The following CPS1 variants were observed in gnomAD, a reference collection of about 807,000 sequenced individuals.
CPS1 encodes the protein carbamoyl-phosphate synthase [ammonia], mitochondrial.
In CPS1, 109 loss-of-function variants were observed where a neutral mutation model predicts 174.6. The observed-to-expected ratio is 0.62, with a 90% CI of 0.53 to 0.73. The LOEUF (loss-of-function observed/expected upper bound fraction) is 0.73. CPS1 is among the 30% of genes least tolerant of loss of function. The probability of loss-of-function intolerance (pLI) is 0.00; values close to 1 mark genes in which losing one functional copy is unlikely to be tolerated. For missense variants in CPS1, 1,689 were observed against 1,821.9 expected (o/e 0.93, Z 1.33); for synonymous variants, 637 against 632.0 (o/e 1.01, Z -0.12).
At chr2:210,508,706 T>C (rs1695359752) in intron 1 of CPS1, among the ~76,000 whole-genome samples, 1 of 152,156 alleles carries the variant, frequency 6.6e-6, no homozygotes, top group Non-Finnish European at 1.5e-5. Flanking sequence ...ATATCACCAC[T>C]GATCCTACAG....
In CPS1 at chr2:210,675,259, A is replaced by T. The variant is rs62203749; in HGVS notation, c.4161+298A>T. Among the ~76,000 whole-genome samples the T allele has an allele frequency of 0.018, 2,680 of 152,250 alleles. 37 individuals carry two copies. The highest frequency in any genetic ancestry group is 0.037 in the Middle Eastern group (11 of 294). On this transcript the variant is annotated intron_variant, in intron 35 of 37. Transcript: ENST00000233072. ...ATATGTTTTTCCTTTTTTTGTTTTC[A>T]TATGAGGTTATAGATTCTAGCTGTG...
chr2:210,546,396 A>G (rs1461480129), intron 1 of CPS1, among the ~76,000 whole-genome samples: 2 of 152,130 alleles, frequency 1.3e-5, no homozygotes, highest in East Asian at 3.9e-4. Context: ...TTAACTTCGC[A>G]CTGTAGTTAA....
intron 5 of CPS1, among the ~76,000 whole-genome samples, chr2:210,580,115 G>A (rs1697868739): frequency 6.6e-6 from 1 of 152,128 alleles, no homozygotes; most frequent in East Asian, 1.9e-4. Context: ...GTAACAAATT[G>A]CATAACAATT....
Position 210,590,225 on chromosome 2 carries a change from T to A in CPS1, c.831T>A (p.Asn277Lys), listed in dbSNP as rs1218356698. The A allele has an allele frequency of 6.2e-7, 1 of 1,612,694 alleles. No individual in the cohort carries two copies. Among genetic ancestry groups the A allele is most frequent in the Non-Finnish European group, 8.5e-7 (1 of 1,179,032 alleles). ...CTCTTGCAGAACCACTAATTCAGAA[T>A]GTCAGAAAGGTGCAATGAACCTTGA... ...NPALAEPLIQ[N>K]VRKILESDRK... The change falls in exon 8 of 38, where the codon AAT (asparagine) becomes AAA (lysine). Residue 277 changes from asparagine to lysine, a missense_variant. By Grantham distance (94) the Asn-to-Lys change is moderately conservative. Transcript: ENST00000233072.
In CPS1 at chr2:210,539,739, C is replaced by T. The variant is rs559395114; in HGVS notation, c.4-16980C>T. On this transcript the variant is annotated intron_variant, in intron 1 of 38. Transcript: ENST00000430249. ...TGCTGTTGACATCTGCTCTTTGGGG[C>T]GTTAGGGGGTCTGGTCATTTGTCCC... Among the ~76,000 whole-genome samples the T allele has an allele frequency of 4.1e-4, 63 of 152,102 alleles. 1 individual carries two copies. Among genetic ancestry groups the T allele is most frequent in the Non-Finnish European group, 8.4e-4 (57 of 68,020 alleles).
intron 2 of CPS1, among the ~76,000 whole-genome samples, chr2:210,574,109 T>A (rs1574541140): frequency 6.6e-6 from 1 of 152,212 alleles, no homozygotes; most frequent in East Asian, 1.9e-4. Flanking sequence ...AGTTCTAGTC[T>A]CAATTCTAAG....
chr2:210,659,715 A>G (rs1700852647), intron 31 of CPS1, among the ~76,000 whole-genome samples: 1 of 152,206 alleles, frequency 6.6e-6, no homozygotes, highest in Admixed American at 6.5e-5. Context: ...AAGGTTGGGA[A>G]GAAGGTAAAT....
At chr2:210,491,392 G>A (rs1035995521) in intron 1 of CPS1, among the ~76,000 whole-genome samples, 4 of 119,100 alleles carry the variant, frequency 3.4e-5, no homozygotes, top group Non-Finnish European at 4.8e-5. Context: ...TTGGCTCACT[G>A]CAACCTCCAC....
intron 1 of CPS1, among the ~76,000 whole-genome samples, chr2:210,525,466 T>C (rs745714540): frequency 2.6e-5 from 4 of 151,894 alleles, no homozygotes; most frequent in Non-Finnish European, 5.9e-5. Flanking sequence ...AGCACGCATT[T>C]ATTAAATTTT....
At chr2:210,589,654 T>C (rs1221537276) in intron 7 of CPS1, among the ~76,000 whole-genome samples, 1 of 151,816 alleles carries the variant, frequency 6.6e-6, no homozygotes, top group African/African-American at 2.4e-5. Flanking sequence ...TAATGGTGTT[T>C]ATTTTTATTT....
intron 1 of CPS1, among the ~76,000 whole-genome samples, chr2:210,565,272 G>C (rs553069212): frequency 2.4e-4 from 36 of 152,132 alleles, no homozygotes; most frequent in African/African-American, 8.7e-4. Context: ...CTAGGCCGTA[G>C]AGACTAGTAA....
chr2:210,610,991 C>G (rs1009668885), intron 19 of CPS1, among the ~76,000 whole-genome samples: 19 of 151,716 alleles, frequency 1.3e-4, no homozygotes, highest in Middle Eastern at 3.4e-3. Context: ...AAAATATTTC[C>G]TTAATTTTAC....
intron 34 of CPS1, among the ~76,000 whole-genome samples, chr2:210,670,659 G>A (rs1039611259): frequency 3.9e-5 from 6 of 152,094 alleles, no homozygotes; most frequent in African/African-American, 1.4e-4. Flanking sequence ...ATGGGGGTTA[G>A]GGATAGTAAA....
At chr2:210,583,034 C>T (rs1398446516) in intron 6 of CPS1, among the ~76,000 whole-genome samples, 1 of 151,960 alleles carries the variant, frequency 6.6e-6, no homozygotes, top group African/African-American at 2.4e-5. Flanking sequence ...AAGATAGGTC[C>T]AGTGATGATG....
chr2:210,612,044 C>T, intron 19 of CPS1, 73 bp from the exon 20 acceptor site: 7 of 1,283,562 alleles, frequency 5.5e-6, no homozygotes, highest in East Asian at 2.4e-5. Flanking sequence ...ATATATTTTA[C>T]GTCCAGTTCA....
chr2:210,642,373 A>T (rs1031656355), intron 24 of CPS1, 111 bp from the exon 25 acceptor site: 6 of 1,329,304 alleles, frequency 4.5e-6, no homozygotes, highest in Non-Finnish European at 6.5e-6. Context: ...AATTGAATTG[A>T]AAATCATTAG....
chr2:210,503,628 C>T (rs1485777028), intron 1 of CPS1, among the ~76,000 whole-genome samples: 2 of 152,058 alleles, frequency 1.3e-5, no homozygotes, highest in African/African-American at 4.8e-5. Flanking sequence ...AGTTTGCCAC[C>T]TTTGTCGTAG....
At chr2:210,604,755 T>C (rs923344396) in intron 16 of CPS1, among the ~76,000 whole-genome samples, 2 of 151,942 alleles carry the variant, frequency 1.3e-5, no homozygotes, top group South Asian at 2.1e-4. Flanking sequence ...TTCACACTTA[T>C]CACATTTTCT....
rs1280243152 is a variant in CPS1, at chr2:210,637,836, T to C, written c.2822T>C (p.Val941Ala). ...LRLKKNIHPW[V>A]KQIDTLAAEY... ...TTAAAGAAAAACATCCACCCTTGGGTTAAACAGGTAAAGGAGTTTCCCTTT... is the reference window on the plus strand; with the variant it reads ...TTAAAGAAAAACATCCACCCTTGGGCTAAACAGGTAAAGGAGTTTCCCTTT... Residue 941 changes from valine to alanine, a missense_variant, in exon 22 of 38, where the codon GTT becomes GCT. Coordinates refer to ENST00000233072, the MANE Select transcript of CPS1 (RefSeq NM_001875.5). The C allele has an allele frequency of 6.2e-7, 1 of 1,613,718 alleles. No individual in the cohort carries two copies. Among genetic ancestry groups the C allele is most frequent in the Non-Finnish European group, 8.5e-7 (1 of 1,179,828 alleles).
Sources: allele counts gnomAD v4.1 joint callset (sites outside exome capture counted in the v4.1 genomes callset), GRCh38; gene constraint gnomAD v4.1.1; transcripts MANE v1.5; gene names NCBI Gene and HGNC (gene_info 2026-07-23, HGNC 2026-07-21).